BSN: variants seen among roughly 807,000 people sequenced by gnomAD.
The protein encoded by BSN is bassoon presynaptic cytomatrix protein.
Under a neutral mutation model 264.8 loss-of-function variants are expected in BSN, and 57 were observed. That is an observed-to-expected ratio of 0.22 (90% CI 0.17 to 0.27). The LOEUF (loss-of-function observed/expected upper bound fraction) is 0.27. Among genes scored for constraint, BSN ranks in the 10% least tolerant of loss-of-function variants. The pLI is 1.00. For missense variants in BSN, 4,615 were observed against 5,232.5 expected (o/e 0.88, Z 3.64); for synonymous variants, 2,059 against 2,137.3 (o/e 0.96, Z 1.01).
Position 49,669,917 on chromosome 3 carries a change from T to C in BSN, c.*2432T>C, listed in dbSNP as rs541959697. On this transcript the variant is annotated 3_prime_UTR_variant, in exon 12 of 12. Coordinates refer to ENST00000296452, the MANE Select transcript of BSN (RefSeq NM_003458.4). ...AGCCAGGAGTGCGGCAGGCAGTACCTGCCTGACCCTTCAAGGCCTGACCTT... is the reference window on the plus strand; with the variant it reads ...AGCCAGGAGTGCGGCAGGCAGTACCCGCCTGACCCTTCAAGGCCTGACCTT... 1.3e-5 allele frequency: 2 copies of C among 152,818 alleles called. No homozygotes were observed. The highest frequency in any genetic ancestry group is 1.3e-4 in the Admixed American group (2 of 15,306). The allele number at this position is 152,818 out of a possible 1,614,324, so 9.5% of individuals were successfully genotyped here.
intron 1 of BSN, among the ~76,000 whole-genome samples, chr3:49,587,660 G>C (rs72936019): frequency 0.024 from 3,673 of 152,216 alleles, 141 homozygotes; most frequent in African/African-American, 0.084. Context: ...GTTTCCTATT[G>C]GTTGCTTGAT....
At chr3:49,663,990 T>A (rs2052689812) in intron 8 of BSN, 104 bp downstream of exon 8, 1 of 1,125,318 alleles carries the variant, frequency 8.9e-7, no homozygotes, top group Non-Finnish European at 1.3e-6. Flanking sequence ...ATGCCCTCAC[T>A]AATCCCTGAG....
chr3:49,599,063 G>C (rs1314758453), intron 1 of BSN, among the ~76,000 whole-genome samples: 2 of 152,112 alleles, frequency 1.3e-5, no homozygotes, highest in Non-Finnish European at 2.9e-5. Context: ...GAGTCTTCCA[G>C]GCAGCTAAGG....
chr3:49,595,495 T>A (rs2052016316), intron 1 of BSN, among the ~76,000 whole-genome samples: 2 of 146,368 alleles, frequency 1.4e-5, no homozygotes, highest in South Asian at 2.2e-4. Context: ...GGCCTCACAA[T>A]TTTTTTTTTT....
chr3:49,666,171 T>C (rs986789546), intron 11 of BSN, among the ~76,000 whole-genome samples: 2 of 152,230 alleles, frequency 1.3e-5, no homozygotes, highest in Admixed American at 6.5e-5. Flanking sequence ...CACAAGCATG[T>C]ATGTGTTATC....
Position 49,642,879 on chromosome 3 carries a change from G to A in BSN, c.1245G>A (p.Glu415=). The change falls in exon 3 of 12, where the codon GAG becomes GAA. Residue 415 remains glutamate, a synonymous_variant. Transcript: ENST00000296452. This position sits in a 1 kb window ranked among gnomAD's most constrained non-coding sequence, Gnocchi z 7.0. ...GPGPAPGAKT[E]PGARMGPGSG... is the part of the protein sequence containing the mutation. ...GGCCAGCACCTGGAGCCAAAACTGAGCCTGGGGCTAGAATGGGTCCTGGAT... is the reference window on the plus strand; with the variant it reads ...GGCCAGCACCTGGAGCCAAAACTGAACCTGGGGCTAGAATGGGTCCTGGAT... 6.2e-7 allele frequency: 1 copy of A among 1,613,714 alleles called. No homozygotes were observed. Among genetic ancestry groups the A allele is most frequent in the Non-Finnish European group, 8.5e-7 (1 of 1,179,948 alleles).
At chr3:49,599,357 G>A (rs545609611) in intron 1 of BSN, among the ~76,000 whole-genome samples, 19 of 152,224 alleles carry the variant, frequency 1.2e-4, no homozygotes, top group African/African-American at 4.1e-4. Flanking sequence ...TTTTTCCCTG[G>A]AATAGAGCTT....
chr3:49,650,814 C>G lies in BSN; in HGVS notation c.1721C>G (p.Pro574Arg), dbSNP rs142503010. 23 of 1,614,110 alleles carry G rather than the reference C, an allele frequency of 1.4e-5. No homozygotes were observed. Among genetic ancestry groups the G allele is most frequent in the Non-Finnish European group, 1.9e-5 (23 of 1,180,000 alleles). ...PSGPLPAKAS[P>R]LSTKASPLPS... ...GGCCCCCTGCCTGCCAAGGCCAGCC[C>G]TCTATCCACCAAGGCCAGCCCTCTG... The change falls in exon 4 of 12, where the codon CCT becomes CGT. Residue 574 changes from proline (P) to arginine (R), a missense_variant. Transcript: ENST00000296452.
intron 1 of BSN, among the ~76,000 whole-genome samples, chr3:49,580,526 G>A (rs1479978826): frequency 6.6e-6 from 1 of 151,880 alleles, no homozygotes; most frequent in Non-Finnish European, 1.5e-5. Flanking sequence ...CAGCCTCCTG[G>A]GCTCAAGCAG....
Position 49,652,653 on chromosome 3 carries a change from C to T in BSN, c.3097C>T (p.Leu1033=), listed in dbSNP as rs762589686. 1 of 1,606,972 alleles carries T rather than the reference C, an allele frequency of 6.2e-7. No individual in the cohort carries two copies. Among genetic ancestry groups the T allele is most frequent in the Non-Finnish European group, 8.5e-7 (1 of 1,176,634 alleles). Residue 1033 remains leucine, a synonymous_variant, in exon 5 of 12, where the codon CTG becomes TTG. Transcript: ENST00000296452. The part of the protein sequence containing the change: ...RKARHRSHGP[L]LPTIEDSSEE... ...GGCCCGGCACCGCTCCCACGGGCCC[C>T]TGCTACCCACCATCGAGGACTCCTC...
Position 49,655,732 on chromosome 3 carries a change from G to T in BSN, c.6176G>T (p.Arg2059Leu). 1 of 1,613,468 alleles carries T rather than the reference G, an allele frequency of 6.2e-7. No homozygotes were observed. ...TDLLAHPLPM[R>L]RYSSVSNIYS... ...CTTTTGGCTCACCCGCTTCCCATGC[G>T]GCGCTATAGCTCAGTGTCGAACATC... The change falls in exon 5 of 12, where the codon CGG becomes CTG. Residue 2059 changes from arginine to leucine, a missense_variant. Arg to Leu is a moderately radical substitution (Grantham distance 102). Coordinates refer to ENST00000296452, the MANE Select transcript of BSN (RefSeq NM_003458.4).
intron 1 of BSN, among the ~76,000 whole-genome samples, chr3:49,611,111 G>T (rs922266646): frequency 1.3e-5 from 2 of 152,166 alleles, no homozygotes; most frequent in African/African-American, 2.4e-5. Context: ...CCTGGCTTCT[G>T]CCCTGTTTGG....
intron 2 of BSN, among the ~76,000 whole-genome samples, chr3:49,629,327 GA>G (rs1274695904): frequency 6.6e-6 from 1 of 152,238 alleles, no homozygotes; most frequent in Non-Finnish European, 1.5e-5. Context: ...TTCTGCACCA[GA>G]AGGGTGGCCC....
Position 49,652,931 on chromosome 3 carries a change from G to C in BSN, c.3375G>C (p.Glu1125Asp), listed in dbSNP as rs549707590. Reference protein sequence around the residue: ...MEELHRSSCSEYSPSPSLDSE... With the variant: ...MEELHRSSCSDYSPSPSLDSE... Reference sequence around the variant, plus strand: ...AGCTACACCGCTCCTCCTGCTCTGAGTACTCACCCTCACCCTCCCTTGACT... The same window carrying C: ...AGCTACACCGCTCCTCCTGCTCTGACTACTCACCCTCACCCTCCCTTGACT... The change falls in exon 5 of 12, where the codon GAG becomes GAC. Residue 1125 changes from glutamate (E) to aspartate (D), a missense_variant. Coordinates refer to ENST00000296452, the MANE Select transcript of BSN (RefSeq NM_003458.4). 7.4e-6 allele frequency: 12 copies of C among 1,610,816 alleles called. No homozygotes were observed. Among genetic ancestry groups the C allele is most frequent in the Non-Finnish European group, 1.0e-5 (12 of 1,178,380 alleles).
At chr3:49,556,579 G>A (rs1300970010) in intron 1 of BSN, among the ~76,000 whole-genome samples, 1 of 152,178 alleles carries the variant, frequency 6.6e-6, no homozygotes, top group Non-Finnish European at 1.5e-5. Context: ...CTCAGGAGGT[G>A]AGCTGGCTAT....
intron 1 of BSN, among the ~76,000 whole-genome samples, chr3:49,605,790 A>G (rs1365102208): frequency 1.6e-4 from 13 of 80,368 alleles, no homozygotes; most frequent in Admixed American, 2.4e-4. Flanking sequence ...TATATAATAT[A>G]TAAATATATT....
chr3:49,558,755 G>A (rs554688446), intron 1 of BSN, among the ~76,000 whole-genome samples: 2 of 152,226 alleles, frequency 1.3e-5, no homozygotes, highest in South Asian at 2.1e-4. Context: ...GAATGGTGAC[G>A]ATGTCAAAAT....
chr3:49,607,523 G>A (rs2052164143), intron 1 of BSN, among the ~76,000 whole-genome samples: 1 of 152,218 alleles, frequency 6.6e-6, no homozygotes, highest in Non-Finnish European at 1.5e-5. Flanking sequence ...GCTGTCACAT[G>A]CTCACACACA....
intron 1 of BSN, among the ~76,000 whole-genome samples, chr3:49,580,390 G>A (rs1377600100): frequency 1.3e-5 from 2 of 152,190 alleles, no homozygotes; most frequent in African/African-American, 2.4e-5. Context: ...TAATATGCCA[G>A]AAAATTTACC....
Sources: allele counts gnomAD v4.1 joint callset (sites outside exome capture counted in the v4.1 genomes callset), GRCh38; gene constraint gnomAD v4.1.1; non-coding constraint Gnocchi (gnomAD v3.1); transcripts MANE v1.5; gene names NCBI Gene and HGNC (gene_info 2026-07-23, HGNC 2026-07-21).